The following SLC4A5 variants were observed in gnomAD, a reference collection of about 807,000 sequenced individuals.
The protein encoded by SLC4A5 is electrogenic sodium bicarbonate cotransporter 4.
SLC4A5 carries 96 observed loss-of-function variants against 120.4 expected under a neutral mutation model. The observed-to-expected ratio is 0.80, with a 90% CI of 0.68 to 0.94. The LOEUF is 0.94. SLC4A5 is among the 40% of genes least tolerant of loss of function. The pLI is 0.00. For missense variants in SLC4A5, 1,259 were observed against 1,459.5 expected, an observed-to-expected ratio of 0.86 and a Z score of 2.24; for synonymous variants, 550 against 571.1, an observed-to-expected ratio of 0.96 and a Z score of 0.53.
chr2:74,301,266 A>G (rs903419296), intron 7 of SLC4A5, among the ~76,000 whole-genome samples: 2 of 152,174 alleles, frequency 1.3e-5, no homozygotes, highest in African/African-American at 4.8e-5. Flanking sequence ...GGGGGCTTTC[A>G]CAGGTACCAA....
chr2:74,225,598 A>G (rs1166757743), intron 27 of SLC4A5, among the ~76,000 whole-genome samples: 1 of 152,150 alleles, frequency 6.6e-6, no homozygotes, highest in Non-Finnish European at 1.5e-5. Context: ...TCCATCTCAA[A>G]CAAATAAAAT....
chr2:74,268,405 G>T lies in SLC4A5; in HGVS notation c.402-3141C>A, dbSNP rs184382533. Among the ~76,000 whole-genome samples, 14 of 152,296 alleles carry T rather than the reference G, an allele frequency of 9.2e-5. No individual in the cohort carries two copies. The East Asian group carries it at 1.7e-3, about 19-fold the overall frequency. On this transcript the variant is annotated intron_variant, in intron 8 of 30. Coordinates refer to ENST00000394019, the Ensembl canonical transcript of SLC4A5. ...TAATGGCACCACAAGGACCTTAAGG[G>T]TATAGTATCTAATGGACATCCTTTC...
intron 26 of SLC4A5, chr2:74,227,446 G>A (rs1694885131): frequency 3.2e-6 from 5 of 1,561,790 alleles, no homozygotes; most frequent in Non-Finnish European, 4.3e-6. Flanking sequence ...AGTAAATACA[G>A]AACAAAACAA....
intron 25 of SLC4A5, among the ~76,000 whole-genome samples, chr2:74,229,723 C>T (rs1332846854): frequency 6.6e-6 from 1 of 152,144 alleles, no homozygotes; most frequent in African/African-American, 2.4e-5. Flanking sequence ...TTGTTTCCCC[C>T]ACAAGGGAAA....
intron 20 of SLC4A5, among the ~76,000 whole-genome samples, chr2:74,239,956 C>T (rs897197944): frequency 2.0e-5 from 3 of 150,596 alleles, no homozygotes; most frequent in African/African-American, 7.3e-5. Flanking sequence ...CATTCCCCAC[C>T]TTGGTGTCTC....
At chr2:74,295,390 T>C (rs186895656) in intron 7 of SLC4A5, among the ~76,000 whole-genome samples, 2,120 of 152,164 alleles carry the variant, frequency 0.014, 30 homozygotes, top group Non-Finnish European at 0.024. Flanking sequence ...TTCCAGGACT[T>C]TGGGAGGCCG....
intron 4 of SLC4A5, among the ~76,000 whole-genome samples, chr2:74,330,840 TATGGTGTAGGTGTAG>T (rs1376316918): frequency 1.0e-3 from 63 of 60,964 alleles, no homozygotes; most frequent in Admixed American, 2.2e-3. Context: ...GATGGAGGTG[TATGGTGTAGGTGTAG>T]GTGGTGAGGT....
chr2:74,227,375 A>G, intron 26 of SLC4A5: 2 of 1,259,996 alleles, frequency 1.6e-6, no homozygotes, highest in Non-Finnish European at 2.2e-6. Context: ...GACATTGTCC[A>G]TATTCAGGGA....
chr2:74,267,770 T>C (rs1431320268), intron 8 of SLC4A5, among the ~76,000 whole-genome samples: 2 of 152,102 alleles, frequency 1.3e-5, no homozygotes, highest in Non-Finnish European at 2.9e-5. Context: ...CCCAGGTGGG[T>C]GGATCGCCTG....
intron 26 of SLC4A5, chr2:74,227,454 CA>C (rs1553450915): frequency 6.4e-7 from 1 of 1,568,204 alleles, no homozygotes; most frequent in Non-Finnish European, 8.7e-7. Context: ...CAGAACAAAA[CA>C]AAAATGTTTT....
intron 24 of SLC4A5, among the ~76,000 whole-genome samples, chr2:74,231,814 G>A (rs1408953478): frequency 1.3e-5 from 2 of 152,224 alleles, no homozygotes; most frequent in Non-Finnish European, 2.9e-5. Flanking sequence ...GGAGGCAGGT[G>A]AGCCCTGCAG....
chr2:74,303,775 G>A (rs533505494), intron 7 of SLC4A5, among the ~76,000 whole-genome samples: 92 of 152,270 alleles, frequency 6.0e-4, no homozygotes, highest in African/African-American at 2.1e-3. Flanking sequence ...GAGGAGAGAG[G>A]GTGGAGCTAA....
intron 19 of SLC4A5, among the ~76,000 whole-genome samples, chr2:74,242,684 C>CTT (rs35385420): frequency 2.6e-5 from 4 of 152,096 alleles, no homozygotes; most frequent in Non-Finnish European, 5.9e-5. Context: ...CTTCCAGCCT[C>CTT]TTTTTTTGCC....
chr2:74,253,109 T>A, exon 15 of SLC4A5: 1 of 1,614,090 alleles, frequency 6.2e-7, no homozygotes, highest in Non-Finnish European at 8.5e-7. Context: ...GCGGGCTTTG[T>A]AGGCCACGTC....
chr2:74,324,101 T>G (rs1486873216), intron 5 of SLC4A5, among the ~76,000 whole-genome samples: 1 of 152,232 alleles, frequency 6.6e-6, no homozygotes, highest in Non-Finnish European at 1.5e-5. Context: ...TGCCATGTGT[T>G]CCTACTTTAT....
chr2:74,312,353 C>G (rs1157881920), intron 6 of SLC4A5, among the ~76,000 whole-genome samples: 1 of 151,794 alleles, frequency 6.6e-6, no homozygotes, highest in East Asian at 1.9e-4. Context: ...ACTCAGCCTC[C>G]CGAGTAGTTG....
intron 19 of SLC4A5, among the ~76,000 whole-genome samples, chr2:74,242,621 C>T (rs1289796752): frequency 6.7e-6 from 1 of 149,312 alleles, no homozygotes; most frequent in African/African-American, 2.5e-5. Context: ...AACTTCCCAG[C>T]TCTACACCAT....
chr2:74,312,950 G>T (rs1447675760), intron 6 of SLC4A5, among the ~76,000 whole-genome samples: 2 of 150,116 alleles, frequency 1.3e-5, no homozygotes, highest in African/African-American at 2.4e-5. Flanking sequence ...TAAATAAAGT[G>T]ATTATTGAGA....
intron 6 of SLC4A5, among the ~76,000 whole-genome samples, chr2:74,314,075 C>A (rs1672890301): frequency 6.6e-6 from 1 of 152,192 alleles, no homozygotes; most frequent in South Asian, 2.1e-4. Flanking sequence ...AGGGACTATA[C>A]ACAGGAAGAG....
Sources: allele counts gnomAD v4.1 joint callset (sites outside exome capture counted in the v4.1 genomes callset), GRCh38; gene constraint gnomAD v4.1.1; transcripts MANE v1.5; gene names NCBI Gene and HGNC (gene_info 2026-07-23, HGNC 2026-07-21).